The following TMCO4 variants were observed in gnomAD, a reference collection of about 807,000 sequenced individuals.
TMCO4 encodes the protein transmembrane and coiled-coil domains 4.
In TMCO4, 58 loss-of-function variants were observed where a neutral mutation model predicts 64.7. The observed-to-expected ratio is 0.90, with a 90% CI of 0.73 to 1.12. The LOEUF is 1.12. Among genes scored for constraint, TMCO4 ranks in the 50% most tolerant of loss-of-function variants. The probability of loss-of-function intolerance (pLI) is 0.00; values close to 1 mark genes in which losing one functional copy is unlikely to be tolerated. For synonymous variants in TMCO4, 325 were observed against 346.1 expected (o/e 0.94, Z 0.68); for missense variants, 780 against 825.9 (o/e 0.94, Z 0.68).
In TMCO4 at chr1:19,786,532, G is replaced by A. The variant is rs538686355; in HGVS notation, c.-9+494C>T. ...TTTAGAAGAACCAAAAAGATGTTTG[G>A]TGCGGCCAGGGCTTGGACAATGGGT... On this transcript the variant is annotated intron_variant, in intron 3 of 15. Coordinates refer to ENST00000294543, the MANE Select transcript of TMCO4 (RefSeq NM_181719.7). Among the ~76,000 whole-genome samples, 6 of 152,340 alleles carry A rather than the reference G, an allele frequency of 3.9e-5. No homozygotes were observed. In the South Asian group the frequency reaches 1.2e-3, roughly 32 times the overall value.
chr1:19,746,336 G>T, intron 9 of TMCO4, 120 bp downstream of exon 9: 1 of 1,442,494 alleles, frequency 6.9e-7, no homozygotes, highest in Non-Finnish European at 9.4e-7. Flanking sequence ...AGTGAGAAAA[G>T]CCACGTCTCC....
chr1:19,709,634 T>C (rs2095320715), intron 13 of TMCO4, among the ~76,000 whole-genome samples: 1 of 152,126 alleles, frequency 6.6e-6, no homozygotes. Context: ...GGTTTTATCT[T>C]GCAAACATCA....
Position 19,780,782 on chromosome 1 carries a change from C to G in TMCO4, c.-8-16G>C. On this transcript the variant is annotated splice_polypyrimidine_tract_variant and intron_variant, in intron 3 of 15. Transcript: ENST00000294543. ...ATTCCCAGCGCTGCAGGAGAAAATTCCCAGTGAGAAATGCTTCCAGAGGTA... is the reference window on the plus strand; with the variant it reads ...ATTCCCAGCGCTGCAGGAGAAAATTGCCAGTGAGAAATGCTTCCAGAGGTA... 1 of 1,542,394 alleles carries G rather than the reference C, an allele frequency of 6.5e-7. No homozygotes were observed. The highest frequency in any genetic ancestry group is 1.2e-5 in the South Asian group (1 of 82,428).
chr1:19,709,604 T>C (rs1314216557), intron 13 of TMCO4, among the ~76,000 whole-genome samples: 1 of 152,140 alleles, frequency 6.6e-6, no homozygotes, highest in Non-Finnish European at 1.5e-5. Flanking sequence ...TGTGAGCACA[T>C]TGACAAACTC....
chr1:19,740,714 A>C, intron 11 of TMCO4, 63 bp downstream of exon 11: 1 of 1,533,462 alleles, frequency 6.5e-7, no homozygotes, highest in Non-Finnish European at 8.9e-7. Flanking sequence ...AAACTATGGT[A>C]CCACTGTGTT....
intron 15 of TMCO4, among the ~76,000 whole-genome samples, chr1:19,685,307 C>A (rs2095137846): frequency 6.7e-6 from 1 of 148,694 alleles, no homozygotes; most frequent in African/African-American, 2.5e-5. Context: ...GTTTGGGCGA[C>A]AGAGCAAGAC....
rs1444552352 is a variant in TMCO4 at position 19,743,604 on chromosome 1, C to CGGGGCAAACTGAACAAATA, written c.877+1909_877+1927dup. Among the ~76,000 whole-genome samples the CGGGGCAAACTGAACAAATA allele has an allele frequency of 2.4e-4, 36 of 152,202 alleles. No homozygotes were observed. The highest frequency in any genetic ancestry group is 7.5e-4 in the African/African-American group (31 of 41,538). ...CCCCAAATGAACTTGACCTTTAACCCGGGGCAAACTGAACAAATAGGGGCA... is the reference window on the plus strand; with the variant it reads ...CCCCAAATGAACTTGACCTTTAACCCGGGGCAAACTGAACAAATAGGGGCAAACTGAACAAATAGGGGCA... On this transcript the variant is annotated intron_variant, in intron 10 of 15. Coordinates refer to ENST00000294543, the MANE Select transcript of TMCO4 (RefSeq NM_181719.7). The surrounding 1 kb of genome is among the most constrained non-coding windows in gnomAD (Gnocchi z 4.1).
chr1:19,774,228 G>C (rs923566212), intron 4 of TMCO4, among the ~76,000 whole-genome samples: 3 of 152,174 alleles, frequency 2.0e-5, no homozygotes, highest in Non-Finnish European at 2.9e-5. Context: ...AAGGGCTCAG[G>C]GCCAAGGACT....
At chr1:19,788,937 T>A (rs1169915038) in intron 2 of TMCO4, among the ~76,000 whole-genome samples, 1 of 151,794 alleles carries the variant, frequency 6.6e-6, no homozygotes, top group East Asian at 1.9e-4. Flanking sequence ...TAGCCAGGTG[T>A]GCTGGCACGC....
intron 7 of TMCO4, 121 bp from the exon 8 acceptor site, chr1:19,747,381 G>A: frequency 1.2e-6 from 1 of 844,368 alleles, no homozygotes; most frequent in Middle Eastern, 2.7e-4. Flanking sequence ...CTCAGAGTAA[G>A]GCACCAAAGT....
At chr1:19,700,949 C>G in intron 13 of TMCO4, 64 bp from the exon 14 acceptor site, 1 of 1,299,830 alleles carries the variant, frequency 7.7e-7, no homozygotes, top group Non-Finnish European at 1.1e-6. Context: ...GGGAGGGACT[C>G]CAACAGCAGT....
rs573973650 is a variant in TMCO4, at chr1:19,708,653, T to C, written c.1265-7768A>G. Among the ~76,000 whole-genome samples the C allele has an allele frequency of 4.6e-5, 7 of 152,242 alleles. No individual in the cohort carries two copies. The East Asian group carries it at 1.2e-3, about 25-fold the overall frequency. ...GCTTCACCTTTGTCATTTCCCCCTTTCCACACAGTGAGCTTCCTTAAAGTG... is the reference window on the plus strand; with the variant it reads ...GCTTCACCTTTGTCATTTCCCCCTTCCCACACAGTGAGCTTCCTTAAAGTG... On this transcript the variant is annotated intron_variant, in intron 13 of 15. Coordinates refer to ENST00000294543, the MANE Select transcript of TMCO4 (RefSeq NM_181719.7).
intron 15 of TMCO4, among the ~76,000 whole-genome samples, chr1:19,685,421 C>T (rs1570605198): frequency 2.6e-5 from 4 of 152,222 alleles, no homozygotes; most frequent in African/African-American, 9.6e-5. Context: ...GAAGTGGCCA[C>T]CCCCTTCGTC....
chr1:19,765,477 C>G (rs1047911920), intron 6 of TMCO4, among the ~76,000 whole-genome samples: 1 of 151,000 alleles, frequency 6.6e-6, no homozygotes, highest in Non-Finnish European at 1.5e-5. Flanking sequence ...TTCTGGTTAT[C>G]GCAGCTCAGG....
rs567200211 is a variant in TMCO4, at chr1:19,699,862, G to A, written c.1382+906C>T. On this transcript the variant is annotated intron_variant, in intron 14 of 15. Transcript: ENST00000294543. ...CATGTGCACGAGCATGTACATACATGCAAACACACACACGTTCAGCTCTGT... is the reference window on the plus strand; with the variant it reads ...CATGTGCACGAGCATGTACATACATACAAACACACACACGTTCAGCTCTGT... Among the ~76,000 whole-genome samples the A allele has an allele frequency of 3.9e-5, 6 of 152,226 alleles. No homozygotes were observed. The South Asian group carries it at 1.2e-3, about 32-fold the overall frequency.
intron 13 of TMCO4, among the ~76,000 whole-genome samples, chr1:19,713,034 G>A (rs2100692644): frequency 6.6e-6 from 1 of 152,298 alleles, no homozygotes; most frequent in East Asian, 1.9e-4. Context: ...TTCTTATGGT[G>A]AGGTTCTAGG....
Position 19,747,377 on chromosome 1 carries a change from G to A in TMCO4, c.516-117C>T, listed in dbSNP as rs1403499244. On this transcript the variant is annotated intron_variant, in intron 7 of 15. Coordinates refer to ENST00000294543, the MANE Select transcript of TMCO4 (RefSeq NM_181719.7). ...CTGGGTAGCTACTCTGCCACTCAGA[G>A]TAAGGCACCAAAGTCACCTTGAGCC... The A allele has an allele frequency of 3.4e-6, 3 of 882,056 alleles. No individual in the cohort carries two copies. In the African/African-American group the frequency reaches 4.9e-5, roughly 15 times the overall value. 54.6% of individuals were successfully genotyped at this position (882,056 alleles called of 1,614,324 possible). A position where few individuals can be genotyped will look rare whatever the true frequency, so the allele number is the denominator to read the frequency against.
chr1:19,690,969 T>C (rs57681426), intron 15 of TMCO4, among the ~76,000 whole-genome samples: 5,379 of 149,678 alleles, frequency 0.036, 260 homozygotes, highest in African/African-American at 0.12. Flanking sequence ...CCTGGGGTCA[T>C]GCCATTCTCC....
chr1:19,729,853 G>A (rs533027557), intron 13 of TMCO4, among the ~76,000 whole-genome samples: 4 of 152,166 alleles, frequency 2.6e-5, no homozygotes, highest in African/African-American at 4.8e-5. Flanking sequence ...TGAGGTGATA[G>A]ATACCCCATT....
Sources: allele counts gnomAD v4.1 joint callset (sites outside exome capture counted in the v4.1 genomes callset), GRCh38; gene constraint gnomAD v4.1.1; non-coding constraint Gnocchi (gnomAD v3.1); transcripts MANE v1.5; gene names NCBI Gene and HGNC (gene_info 2026-07-23, HGNC 2026-07-21).